Variants in NOTCH1 observed in about 807,000 individuals in gnomAD.
The protein encoded by NOTCH1 is notch receptor 1.
A neutral mutation model predicts 254.8 loss-of-function variants in NOTCH1; 37 were observed. The observed-to-expected ratio is 0.15, with a 90% CI of 0.11 to 0.19. The LOEUF is 0.19. Ranked by LOEUF, NOTCH1 falls within the 10% of genes least tolerant of loss-of-function variation. The pLI, the probability that NOTCH1 is intolerant of heterozygous loss-of-function variation, is 1.00. For synonymous variants in NOTCH1, 1,731 were observed against 1,618.1 expected (o/e 1.07, Z -1.68); for missense variants, 2,972 against 3,708.6 (o/e 0.80, Z 5.16).
intron 15 of NOTCH1, among the ~76,000 whole-genome samples, chr9:136,512,549 G>C (rs1252985283): frequency 6.6e-6 from 1 of 152,186 alleles, no homozygotes; most frequent in Non-Finnish European, 1.5e-5. Flanking sequence ...CACACAAAGA[G>C]AGCCCGCCAT....
Position 136,514,498 on chromosome 9 carries a change from C to T in NOTCH1, c.2207+12G>A. 1.9e-6 allele frequency: 3 copies of T among 1,561,130 alleles called. No individual in the cohort carries two copies. The highest frequency in any genetic ancestry group is 2.6e-6 in the Non-Finnish European group (3 of 1,153,996). Reference sequence around the variant, plus strand: ...GGACTGATGTGTCCCCATGATCGGCCCCGCCGCATACCCGTTGAGGCTGTC... The same window carrying T: ...GGACTGATGTGTCCCCATGATCGGCTCCGCCGCATACCCGTTGAGGCTGTC... On this transcript the variant is annotated intron_variant, in intron 13 of 33. Transcript: ENST00000651671.
intron 2 of NOTCH1, among the ~76,000 whole-genome samples, chr9:136,531,130 C>T (rs901374073): frequency 5.9e-5 from 9 of 152,214 alleles, no homozygotes; most frequent in Non-Finnish European, 1.0e-4. Flanking sequence ...GAAGGGATCC[C>T]GAGACATCTG....
intron 2 of NOTCH1, among the ~76,000 whole-genome samples, chr9:136,542,663 G>C (rs1057294925): frequency 6.6e-6 from 1 of 151,142 alleles, no homozygotes; most frequent in African/African-American, 2.4e-5. Context: ...TGGGGAGGGT[G>C]GGGGCCGGGG....
intron 4 of NOTCH1, 138 bp from the exon 5 acceptor site, chr9:136,519,703 C>G: frequency 8.3e-7 from 1 of 1,210,832 alleles, no homozygotes; most frequent in South Asian, 1.2e-5. Flanking sequence ...TGTGCCCGTC[C>G]CCTGCCTCAC....
intron 30 of NOTCH1, among the ~76,000 whole-genome samples, chr9:136,501,335 G>A (rs1406812271): frequency 6.6e-5 from 10 of 152,000 alleles, no homozygotes; most frequent in African/African-American, 2.2e-4. Flanking sequence ...TGGGGAGGCT[G>A]AGGCAGGAGA....
chr9:136,511,949 C>T (rs748719060), intron 15 of NOTCH1, among the ~76,000 whole-genome samples: 9 of 152,218 alleles, frequency 5.9e-5, no homozygotes, highest in Non-Finnish European at 1.2e-4. Context: ...TGTTTATAGC[C>T]GTGGGGACTG....
intron 15 of NOTCH1, among the ~76,000 whole-genome samples, 168 bp from the exon 16 acceptor site, chr9:136,511,439 C>A (rs1371248191): frequency 1.3e-5 from 2 of 152,106 alleles, no homozygotes; most frequent in Non-Finnish European, 2.9e-5. Context: ...AGGACCCTGA[C>A]CCAGGGAGGA....
chr9:136,502,069 C>G lies in NOTCH1; in HGVS notation c.5404G>C (p.Asp1802His), dbSNP rs2133330077. ...TGGTTGTCGTCCATGAGGGCACCGT[C>G]TGAAGCGTTCTTCAGGGGCCTGGGG... Reference protein sequence around the residue: ...VGLKPLKNASDGALMDDNQNE... With the variant: ...VGLKPLKNASHGALMDDNQNE... Residue 1802 changes from aspartate (D) to histidine (H), a missense_variant, in exon 29 of 34, where the codon GAC (aspartate) becomes CAC (histidine). Physicochemically the swap from Asp to His is moderately conservative, Grantham distance 81. Transcript: ENST00000651671. 1 of 1,613,322 alleles carries G rather than the reference C, an allele frequency of 6.2e-7. No individual in the cohort carries two copies. The highest frequency in any genetic ancestry group is 1.1e-5 in the South Asian group (1 of 91,086).
rs369379272 is a variant in NOTCH1 at position 136,511,171 on chromosome 9, G to C, written c.2568C>G (p.Val856=). Residue 856 remains valine, a synonymous_variant, in exon 16 of 34, where the codon GTC becomes GTG. Coordinates refer to ENST00000651671, the MANE Select transcript of NOTCH1 (RefSeq NM_017617.5). ...CCTCACCTTGCCAGCCCGTGGGGCAGACACAGGAGAAGCTCTCATAGTCCT... is the reference window on the plus strand; with the variant it reads ...CCTCACCTTGCCAGCCCGTGGGGCACACACAGGAGAAGCTCTCATAGTCCT... ...QSEDYESFSC[V]CPTGWQGQTC... 6.2e-7 allele frequency: 1 copy of C among 1,612,940 alleles called. No homozygotes were observed. The highest frequency in any genetic ancestry group is 8.5e-7 in the Non-Finnish European group (1 of 1,179,996).
intron 2 of NOTCH1, among the ~76,000 whole-genome samples, chr9:136,529,924 G>C (rs896576779): frequency 6.6e-6 from 1 of 152,212 alleles, no homozygotes; most frequent in Admixed American, 6.5e-5. Flanking sequence ...CACCACCTGC[G>C]GTCCCACCTG....
At chr9:136,503,666 C>G (rs1458121470) in intron 26 of NOTCH1, among the ~76,000 whole-genome samples, 1 of 152,238 alleles carries the variant, frequency 6.6e-6, no homozygotes, top group African/African-American at 2.4e-5. Flanking sequence ...CAGTCCTCCC[C>G]CAGGAGCCAT....
rs780629106 is a variant in NOTCH1 at position 136,507,455 on chromosome 9, C to A, written c.3511-18G>T. 6.3e-6 allele frequency: 10 copies of A among 1,593,080 alleles called. No individual in the cohort carries two copies. The highest frequency in any genetic ancestry group is 2.7e-5 in the African/African-American group (2 of 74,708). On this transcript the variant is annotated intron_variant, in intron 21 of 33. Coordinates refer to ENST00000651671, the MANE Select transcript of NOTCH1 (RefSeq NM_017617.5). ...GCCACGCACTGTGCAGGCGACAGAA[C>A]GAGGGGCCCTTCGGCTCAGCCGGCG...
intron 2 of NOTCH1, among the ~76,000 whole-genome samples, chr9:136,532,775 C>T (rs1175986350): frequency 6.6e-6 from 1 of 152,206 alleles, no homozygotes; most frequent in East Asian, 1.9e-4. Context: ...GGCCCGGGGT[C>T]GCACGGCCCA....
intron 9 of NOTCH1, 127 bp from the exon 10 acceptor site, chr9:136,516,221 G>GCCAGCC: frequency 1.4e-6 from 1 of 697,478 alleles, no homozygotes; most frequent in African/African-American, 1.7e-5. Flanking sequence ...CCTGAGCTCA[G>GCCAGCC]CCAGCTCCAG....
In NOTCH1 at chr9:136,500,789, G is replaced by A. The variant is rs747229390; in HGVS notation, c.5697C>T (p.Asn1899=). The change falls in exon 31 of 34, where the codon AAC becomes AAT. Residue 1899 remains asparagine, a synonymous_variant. Transcript: ENST00000651671. ...SCSGGGLETG[N]SEEEEDAPAV... ...CCGGCGCGTCCTCCTCTTCCTCGCT[G>A]TTGCCCGTCTCCAGGCCGCCCCCGC... is the stretch of plus-strand genomic sequence containing the variant. 1.2e-6 allele frequency: 2 copies of A among 1,601,498 alleles called. No individual in the cohort carries two copies. The highest frequency in any genetic ancestry group is 1.1e-5 in the South Asian group (1 of 91,064).
intron 2 of NOTCH1, among the ~76,000 whole-genome samples, chr9:136,535,412 G>A (rs1843630230): frequency 6.6e-6 from 1 of 152,018 alleles, no homozygotes; most frequent in South Asian, 2.1e-4. Context: ...GGGGTTCAGA[G>A]GTGAGGCCTC....
intron 4 of NOTCH1, 123 bp from the exon 5 acceptor site, chr9:136,519,688 G>A: frequency 6.8e-7 from 1 of 1,463,492 alleles, no homozygotes; most frequent in South Asian, 1.1e-5. Flanking sequence ...GGGGCCCCCG[G>A]GGTCTGTGCC....
At chr9:136,500,986 C>T in intron 30 of NOTCH1, 139 bp from the exon 31 acceptor site, 1 of 976,550 alleles carries the variant, frequency 1.0e-6, no homozygotes, top group Non-Finnish European at 1.5e-6. Flanking sequence ...GTGCACACAG[C>T]CACCAAGGGG....
chr9:136,509,065 G>A lies in NOTCH1; in HGVS notation c.2976C>T (p.Cys992=). 2.6e-6 allele frequency: 4 copies of A among 1,556,374 alleles called. No individual in the cohort carries two copies. The highest frequency in any genetic ancestry group is 3.5e-6 in the Non-Finnish European group (4 of 1,150,858). ...CGTCCACGCAGGTGCCACCGTTGAA[G>A]CAGGAGCTGCAAGGGGGTGGGCAGG... ...NNTPDCTESS[C]FNGGTCVDGI... The change falls in exon 19 of 34, where the codon TGC becomes TGT. Residue 992 remains cysteine, a synonymous_variant. Coordinates refer to ENST00000651671, the MANE Select transcript of NOTCH1 (RefSeq NM_017617.5).
Sources: gnomAD v4.1 joint callset for allele counts (sites outside exome capture counted in the v4.1 genomes callset) on GRCh38, gnomAD v4.1.1 for gene constraint, MANE v1.5 for transcripts, NCBI Gene and HGNC (gene_info 2026-07-23, HGNC 2026-07-21) for gene names.